Variants in MIA2 observed in about 807,000 individuals in gnomAD.
MIA2 encodes melanoma inhibitory activity protein 2.
A neutral mutation model predicts 167.8 loss-of-function variants in MIA2; 127 were observed. That is an observed-to-expected ratio of 0.76 (90% confidence interval 0.66 to 0.88). The LOEUF (loss-of-function observed/expected upper bound fraction) is 0.88. Among genes scored for constraint, MIA2 ranks in the 40% least tolerant of loss-of-function variants. The probability of loss-of-function intolerance (pLI) is 0.00; values close to 1 mark genes in which losing one functional copy is unlikely to be tolerated. For missense variants in MIA2, 1,690 were observed against 1,624.7 expected (o/e 1.04, Z -0.69); for synonymous variants, 552 against 541.9 (o/e 1.02, Z -0.26).
chr14:39,385,713 A>G (rs1342463202), intron 23 of MIA2: 18 of 987,116 alleles, frequency 1.8e-5, no homozygotes, highest in Non-Finnish European at 3.0e-5. Context: ...GTAACAGACT[A>G]TAGTCCTTCT....
At chr14:39,270,139 C>A (rs924314397) in intron 6 of MIA2, among the ~76,000 whole-genome samples, 2 of 150,226 alleles carry the variant, frequency 1.3e-5, no homozygotes, top group South Asian at 2.1e-4. Context: ...TTTCTGTTTT[C>A]TTTTGTTTTT....
At chr14:39,317,821 G>C in intron 21 of MIA2, 123 bp from the exon 22 acceptor site, 1 of 561,350 alleles carries the variant, frequency 1.8e-6, no homozygotes. Context: ...ATTATGATTT[G>C]TATACCATTG....
intron 25 of MIA2, among the ~76,000 whole-genome samples, chr14:39,337,490 T>C (rs2070717284): frequency 6.6e-6 from 1 of 152,190 alleles, no homozygotes; most frequent in Non-Finnish European, 1.5e-5. Flanking sequence ...ACACGTGTTT[T>C]TAAAGTAGCA....
At chr14:39,327,274 T>C (rs2067773045) in intron 25 of MIA2, among the ~76,000 whole-genome samples, 1 of 152,232 alleles carries the variant, frequency 6.6e-6, no homozygotes, top group Admixed American at 6.5e-5. Flanking sequence ...AATGCATGTT[T>C]ACTTTAGAAA....
chr14:39,298,542 T>TTTTTTTTTTTTG (rs2061858845), intron 13 of MIA2, among the ~76,000 whole-genome samples: 2 of 97,024 alleles, frequency 2.1e-5, no homozygotes, highest in Non-Finnish European at 3.9e-5. Context: ...TTTTTTTTTT[T>TTTTTTTTTTTTG]TTTTTTTTTT....
At position 39,359,334 on chromosome 14, in the gene MIA2, C is replaced by T. The variant is rs141935732; in HGVS notation, c.2248+10357C>T. ...CTAGCAATGAGTGAGGCTCCGTGGG[C>T]GTAGGACCCTTTGAGCCAGGCGTGG... On this transcript the variant is annotated intron_variant, in intron 23 of 23. Transcript: ENST00000341502. 6.9e-3 allele frequency among the ~76,000 whole-genome samples: 1,049 copies of T among 152,306 alleles called. 3 individuals carry two copies. Among genetic ancestry groups the T allele is most frequent in the Non-Finnish European group, 0.01 (683 of 68,032 alleles).
intron 24 of MIA2, among the ~76,000 whole-genome samples, chr14:39,326,619 T>C (rs563461132): frequency 6.7e-6 from 1 of 148,730 alleles, no homozygotes; most frequent in East Asian, 1.9e-4. Flanking sequence ...TATTATATTT[T>C]ATATTTATTT....
intron 3 of MIA2, among the ~76,000 whole-genome samples, chr14:39,245,840 G>C (rs952096185): frequency 1.3e-5 from 2 of 152,034 alleles, no homozygotes; most frequent in Admixed American, 6.6e-5. Context: ...CTCTCACCAG[G>C]CCTCACCTGT....
At chr14:39,327,251 T>C (rs2067765091) in intron 25 of MIA2, among the ~76,000 whole-genome samples, 1 of 152,166 alleles carries the variant, frequency 6.6e-6, no homozygotes. Context: ...TTTTTGTTGC[T>C]TGTAGAGGTA....
intron 12 of MIA2, among the ~76,000 whole-genome samples, 162 bp from the exon 13 acceptor site, chr14:39,294,763 T>A (rs1289276528): frequency 6.6e-6 from 1 of 152,182 alleles, no homozygotes; most frequent in African/African-American, 2.4e-5. Flanking sequence ...GGACTAGACC[T>A]GGATTCTAGA....
intron 6 of MIA2, chr14:39,266,089 A>G: frequency 1.0e-6 from 1 of 985,444 alleles, no homozygotes; most frequent in Non-Finnish European, 1.2e-6. Flanking sequence ...TCGTTGCTAC[A>G]AGAGGTTACA....
At chr14:39,310,435 A>T (rs778094758) in intron 18 of MIA2, among the ~76,000 whole-genome samples, 4 of 152,206 alleles carry the variant, frequency 2.6e-5, no homozygotes, top group Non-Finnish European at 5.9e-5. Flanking sequence ...CATGAATTAC[A>T]GTGCTTTTGG....
At position 39,371,953 on chromosome 14, in the gene MIA2, C is replaced by T. The variant is rs536537099; in HGVS notation, c.2249-14932C>T. On this transcript the variant is annotated intron_variant, in intron 23 of 23. Coordinates refer to the MIA2 transcript ENST00000341502. ...ACTACTTCAGAAGGGGGAGAGAGTC[C>T]TTTTTTCTTTTTTTTTTAAATTGGA... 1.8e-4 allele frequency among the ~76,000 whole-genome samples: 28 copies of T among 151,840 alleles called. 1 individual carries two copies. The South Asian group carries it at 5.6e-3, about 30-fold the overall frequency.
chr14:39,290,697 C>CT (rs1304625980), intron 9 of MIA2, among the ~76,000 whole-genome samples: 1 of 152,134 alleles, frequency 6.6e-6, no homozygotes, highest in East Asian at 1.9e-4. Context: ...ATCTTTAGTA[C>CT]AATCTTACCA....
chr14:39,335,948 A>G (rs1460162114), intron 25 of MIA2, among the ~76,000 whole-genome samples: 2 of 152,204 alleles, frequency 1.3e-5, no homozygotes, highest in East Asian at 1.9e-4. Flanking sequence ...ATTCTTTCTT[A>G]TGGCTGTGTA....
In MIA2 at chr14:39,267,310, A is replaced by G. The variant is rs2055975259; in HGVS notation, c.1888-9624A>G. On this transcript the variant is annotated intron_variant, in intron 6 of 28. Coordinates refer to ENST00000640607, the MANE Select transcript of MIA2 (RefSeq NM_001329214.4). The stretch of plus-strand genomic sequence containing the variant: ...AGGCCTGCGGGTGCCCCTGTCCCCC[A>G]GCTCCCCCCGCAGCCGGCTCCGCAG... 2.7e-6 allele frequency: 4 copies of G among 1,487,898 alleles called. No homozygotes were observed. The Admixed American group carries it at 7.6e-5, about 28-fold the overall frequency. 92.2% of individuals were successfully genotyped at this position (1,487,898 alleles called of 1,614,324 possible). A position where few individuals can be genotyped will look rare whatever the true frequency, so the allele number is the denominator to read the frequency against.
At chr14:39,371,023 T>C (rs2074932375) in intron 23 of MIA2, among the ~76,000 whole-genome samples, 1 of 152,226 alleles carries the variant, frequency 6.6e-6, no homozygotes, top group Non-Finnish European at 1.5e-5. Context: ...GTCTGGAATT[T>C]TACTTTTTTT....
chr14:39,328,209 C>G (rs1008838829), intron 25 of MIA2, among the ~76,000 whole-genome samples: 10 of 152,214 alleles, frequency 6.6e-5, no homozygotes, highest in Non-Finnish European at 1.0e-4. Flanking sequence ...TTGCATTTCT[C>G]TAATGACCAG....
At chr14:39,343,815 G>A (rs1209101207) in intron 25 of MIA2, among the ~76,000 whole-genome samples, 1 of 152,074 alleles carries the variant, frequency 6.6e-6, no homozygotes, top group Non-Finnish European at 1.5e-5. Flanking sequence ...GTGCATATGA[G>A]GGTGTGTGTA....
Sources: allele counts gnomAD v4.1 joint callset (sites outside exome capture counted in the v4.1 genomes callset), GRCh38; gene constraint gnomAD v4.1.1; transcripts MANE v1.5; gene names NCBI Gene and HGNC (gene_info 2026-07-23, HGNC 2026-07-21).